Variants in MIDEAS observed in about 807,000 individuals in gnomAD.
The protein encoded by MIDEAS is mitotic deacetylase-associated SANT domain protein.
A neutral mutation model predicts 102.7 loss-of-function variants in MIDEAS; 26 were observed. The observed-to-expected ratio is 0.25, with a 90% CI of 0.19 to 0.35. MIDEAS has a LOEUF of 0.35. Ranked by LOEUF, MIDEAS falls within the 10% of genes least tolerant of loss-of-function variation. MIDEAS has a pLI of 1.00. For synonymous variants in MIDEAS, 585 were observed against 591.0 expected, an observed-to-expected ratio of 0.99 and a Z score of 0.15; for missense variants, 1,231 against 1,435.6, an observed-to-expected ratio of 0.86 and a Z score of 2.30.
In MIDEAS at chr14:73,759,215, C is replaced by T. The variant is rs1326756540; in HGVS notation, c.-248+548G>A. Among the ~76,000 whole-genome samples the T allele has an allele frequency of 6.6e-6, 1 of 152,194 alleles. No homozygotes were observed. Among genetic ancestry groups the T allele is most frequent in the Non-Finnish European group, 1.5e-5 (1 of 68,022 alleles). On this transcript the variant is annotated intron_variant, in intron 1 of 12. Coordinates refer to ENST00000423556, the MANE Select transcript of MIDEAS (RefSeq NM_001367710.1). This position sits in a 1 kb window ranked among gnomAD's most constrained non-coding sequence, Gnocchi z 6.7. ...TCCCCCAAACTCCTGGCGTGGACGC[C>T]GCGTCCAGGCCCACTTTCCCGTGCA...
At chr14:73,768,017 G>A (rs866299906) in intron 1 of MIDEAS, among the ~76,000 whole-genome samples, 4 of 151,582 alleles carry the variant, frequency 2.6e-5, no homozygotes, top group Non-Finnish European at 4.4e-5. Context: ...AAAATTAGCC[G>A]GGCATGGTGG....
intron 1 of MIDEAS, among the ~76,000 whole-genome samples, chr14:73,743,896 T>C (rs2053315753): frequency 6.6e-6 from 1 of 151,878 alleles, no homozygotes; most frequent in African/African-American, 2.4e-5. Flanking sequence ...TCCTCCAGGC[T>C]CCTCTCTGCA....
chr14:73,773,372 G>T (rs2053659270), intron 1 of MIDEAS, among the ~76,000 whole-genome samples: 1 of 151,846 alleles, frequency 6.6e-6, no homozygotes, highest in South Asian at 2.1e-4. Context: ...GGACAGAGAG[G>T]TGTGGGTAGG....
At chr14:73,751,282 A>G (rs567977566) in intron 1 of MIDEAS, among the ~76,000 whole-genome samples, 2 of 152,364 alleles carry the variant, frequency 1.3e-5, no homozygotes, top group East Asian at 3.9e-4. Context: ...CCTGTTCTGC[A>G]AACTTCCTCC....
chr14:73,718,994 A>C lies in MIDEAS; in HGVS notation c.3149T>G (p.Val1050Gly), dbSNP rs1354121674. ...CKKCGRVFYK[V>G]KSRSAHMKSH... ...CTTCATATGCGCACTGCGGCTCTTCACCTTGTAAAACACCCTGCAGCCGGG... is the reference window on the plus strand; with the variant it reads ...CTTCATATGCGCACTGCGGCTCTTCCCCTTGTAAAACACCCTGCAGCCGGG... Residue 1050 changes from valine (V) to glycine (G), a missense_variant, in exon 13 of 13, where the codon GTG (valine) becomes GGG (glycine). Transcript: ENST00000423556. The C allele has an allele frequency of 6.7e-7, 1 of 1,489,496 alleles. No individual in the cohort carries two copies. The highest frequency in any genetic ancestry group is 8.9e-7 in the Non-Finnish European group (1 of 1,127,464). 92.3% of individuals were successfully genotyped at this position (1,489,496 alleles called of 1,614,324 possible). A position where few individuals can be genotyped will look rare whatever the true frequency, so the allele number is the denominator to read the frequency against.
chr14:73,767,008 C>A (rs187105303), intron 1 of MIDEAS, among the ~76,000 whole-genome samples: 29 of 151,992 alleles, frequency 1.9e-4, no homozygotes, highest in Non-Finnish European at 2.9e-5. Flanking sequence ...GGCCTCGCCA[C>A]CACACCCAGC....
Position 73,715,857 on chromosome 14 carries a change from CGG to C in MIDEAS, c.*2984_*2985del, listed in dbSNP as rs1474231039. ...GACCTTGGTGCCAGGGGTGGAGGCG[CGG>C]CAGAAGGGGTGGTATGTACCTTAGC... On this transcript the variant is annotated 3_prime_UTR_variant, in exon 13 of 13. Coordinates refer to ENST00000423556, the MANE Select transcript of MIDEAS (RefSeq NM_001367710.1). 6.6e-6 allele frequency: 1 copy of C among 152,472 alleles called. No homozygotes were observed. Among genetic ancestry groups the C allele is most frequent in the Admixed American group, 6.5e-5 (1 of 15,268 alleles). The allele number at this position is 152,472 out of a possible 1,614,324, so 9.4% of individuals were successfully genotyped here. A position where few individuals can be genotyped will look rare whatever the true frequency, so the allele number is the denominator to read the frequency against.
At chr14:73,731,691 C>T (rs1176715825) in intron 3 of MIDEAS, among the ~76,000 whole-genome samples, 1 of 152,170 alleles carries the variant, frequency 6.6e-6, no homozygotes, top group East Asian at 1.9e-4. Flanking sequence ...CAGATACAAA[C>T]TGAAGTATAC....
intron 3 of MIDEAS, among the ~76,000 whole-genome samples, chr14:73,732,785 CAAA>C (rs57681928): frequency 1.1e-4 from 5 of 46,070 alleles, no homozygotes; most frequent in Middle Eastern, 0.026. Context: ...GACTCCCTCT[CAAA>C]AAAAAAAAAA....
intron 1 of MIDEAS, among the ~76,000 whole-genome samples, chr14:73,779,223 C>T (rs903737690): frequency 6.6e-6 from 1 of 151,478 alleles, no homozygotes; most frequent in Non-Finnish European, 1.5e-5. Context: ...CCTGTGTCTA[C>T]TAAAAATAAA....
At chr14:73,748,482 G>C (rs2053380860) in intron 1 of MIDEAS, among the ~76,000 whole-genome samples, 1 of 152,156 alleles carries the variant, frequency 6.6e-6, no homozygotes, top group Non-Finnish European at 1.5e-5. Flanking sequence ...AGTGAGCCCA[G>C]ATTGCGCCAC....
At chr14:73,756,306 G>GCGCGCA (rs916749655) in intron 1 of MIDEAS, among the ~76,000 whole-genome samples, 3 of 98,220 alleles carry the variant, frequency 3.1e-5, no homozygotes, top group Admixed American at 9.8e-5. Context: ...GCGCGCGCGC[G>GCGCGCA]TGCGCGCTGA....
rs1244917046 is a variant in MIDEAS, at chr14:73,716,306, C to T, written c.*2537G>A. 6.6e-6 allele frequency: 1 copy of T among 152,092 alleles called. No individual in the cohort carries two copies. The highest frequency in any genetic ancestry group is 1.5e-5 in the Non-Finnish European group (1 of 68,012). The allele number at this position is 152,092 out of a possible 1,614,324, so 9.4% of individuals were successfully genotyped here. On this transcript the variant is annotated 3_prime_UTR_variant, in exon 13 of 13. Transcript: ENST00000423556. ...TCTGGCGGGATAATGCAGAGAGGTA[C>T]CATCTTGATTTTCCCCAGTTACATT...
intron 1 of MIDEAS, among the ~76,000 whole-genome samples, chr14:73,745,872 A>G (rs1255903540): frequency 6.6e-6 from 1 of 152,226 alleles, no homozygotes; most frequent in Non-Finnish European, 1.5e-5. Flanking sequence ...GAGAGCAGGC[A>G]AGAGGCCCTA....
At chr14:73,748,764 G>T (rs1449992740) in intron 1 of MIDEAS, among the ~76,000 whole-genome samples, 2 of 57,060 alleles carry the variant, frequency 3.5e-5, no homozygotes, top group Non-Finnish European at 3.1e-5. Flanking sequence ...GCTAGACTCC[G>T]TCTCAAAAAA....
At chr14:73,779,260 T>C (rs2053723004) in intron 1 of MIDEAS, among the ~76,000 whole-genome samples, 1 of 151,174 alleles carries the variant, frequency 6.6e-6, no homozygotes, top group South Asian at 2.1e-4. Flanking sequence ...CCGGGTGTGG[T>C]GGCGGGTGCC....
rs1244443631 is a variant in MIDEAS at position 73,729,817 on chromosome 14, GGCGCACGGGAGA to G, written c.1906_1917del (p.Ser636_Arg639del). 1 of 1,613,972 alleles carries G rather than the reference GGCGCACGGGAGA, an allele frequency of 6.2e-7. No individual in the cohort carries two copies. Among genetic ancestry groups the G allele is most frequent in the East Asian group, 2.2e-5 (1 of 44,862 alleles). ...CTCCGCTCAGAGGGGTGGTCAGCTAGGCGCACGGGAGAGCGCAGGTGGCTCTGGTATGGGGTG... is the reference window on the plus strand; with the variant it reads ...CTCCGCTCAGAGGGGTGGTCAGCTAGGCGCAGGTGGCTCTGGTATGGGGTG... On this transcript the variant is annotated inframe_deletion, in exon 4 of 13. Transcript: ENST00000423556.
At chr14:73,781,734 C>CAAAA (rs72374466) in intron 1 of MIDEAS, among the ~76,000 whole-genome samples, 2,595 of 73,310 alleles carry the variant, frequency 0.035, 289 homozygotes, top group African/African-American at 0.13. Flanking sequence ...AACTCTGTCT[C>CAAAA]AAAAAAAAAA....
intron 1 of MIDEAS, among the ~76,000 whole-genome samples, chr14:73,756,315 G>C (rs1158193959): frequency 1.4e-5 from 2 of 141,388 alleles, no homozygotes; most frequent in Admixed American, 7.1e-5. Context: ...CGTGCGCGCT[G>C]AGGTGGAGGG....
Sources: allele counts gnomAD v4.1 joint callset (sites outside exome capture counted in the v4.1 genomes callset), GRCh38; gene constraint gnomAD v4.1.1; non-coding constraint Gnocchi (gnomAD v3.1); transcripts MANE v1.5; gene names NCBI Gene and HGNC (gene_info 2026-07-23, HGNC 2026-07-21).